KIF11: variants seen among roughly 807,000 people sequenced by gnomAD.
KIF11 encodes the protein kinesin-like protein KIF11.
Under a neutral mutation model 121.0 loss-of-function variants are expected in KIF11, and 9 were observed. That is an observed-to-expected ratio of 0.07 (90% CI 0.04 to 0.13). The LOEUF is 0.13. KIF11 is among the 10% of genes least tolerant of loss of function. The pLI is 1.00. For synonymous variants in KIF11, 408 were observed against 421.0 expected (o/e 0.97, Z 0.38); for missense variants, 846 against 1,217.5 (o/e 0.69, Z 4.54).
intron 12 of KIF11, among the ~76,000 whole-genome samples, chr10:92,631,270 G>A (rs1487209691): frequency 1.3e-5 from 2 of 150,374 alleles, no homozygotes; most frequent in South Asian, 4.2e-4. Flanking sequence ...CTCCAGCCTG[G>A]GTAACAGAGC....
At chr10:92,596,436 C>T (rs1170356728) in intron 1 of KIF11, among the ~76,000 whole-genome samples, 1 of 152,082 alleles carries the variant, frequency 6.6e-6, no homozygotes, top group Non-Finnish European at 1.5e-5. Context: ...TTTGAGGAAC[C>T]GACAAACTAT....
intron 1 of KIF11, among the ~76,000 whole-genome samples, chr10:92,599,670 T>TTTTC (rs2135896473): frequency 6.6e-6 from 1 of 150,706 alleles, no homozygotes; most frequent in African/African-American, 2.4e-5. Flanking sequence ...TTTTTTTTTT[T>TTTTC]TGAGATGGAG....
chr10:92,641,183 T>C (rs1844862888), intron 17 of KIF11, among the ~76,000 whole-genome samples: 2 of 152,238 alleles, frequency 1.3e-5, no homozygotes, highest in African/African-American at 4.8e-5. Flanking sequence ...TCATGATCCA[T>C]TTAAAAATTT....
In KIF11 at chr10:92,599,199, G is replaced by T. The variant is rs1378698206; in HGVS notation, c.77+5747G>T. On this transcript the variant is annotated intron_variant, in intron 1 of 21. Transcript: ENST00000260731. ...AGTTGTTTTTGTAATTTCCTTTTTA[G>T]ATTGTTCATTCTTAGTGTATAAAAA... 2.0e-5 allele frequency among the ~76,000 whole-genome samples: 3 copies of T among 151,678 alleles called. No individual in the cohort carries two copies. In the East Asian group the frequency reaches 5.8e-4, roughly 29 times the overall value.
chr10:92,630,464 T>G, intron 12 of KIF11, 100 bp downstream of exon 12: 3 of 573,076 alleles, frequency 5.2e-6, no homozygotes. Flanking sequence ...TCACCCCAAA[T>G]GGTATTTCTG....
intron 17 of KIF11, among the ~76,000 whole-genome samples, chr10:92,643,666 C>T (rs903630224): frequency 2.0e-5 from 3 of 150,542 alleles, no homozygotes; most frequent in Non-Finnish European, 4.4e-5. Flanking sequence ...AAGCAATTCT[C>T]CTGCCTCAGC....
chr10:92,612,104 GTTTTTTGTTTTTTTGTTTGC>G, intron 6 of KIF11, among the ~76,000 whole-genome samples: 1 of 150,970 alleles, frequency 6.6e-6, no homozygotes, highest in East Asian at 1.9e-4. Flanking sequence ...TATTTGTTTT[GTTTTTTGTTTTTTTGTTTGC>G]TTGTTTGTTT....
At chr10:92,631,972 G>C (rs1428397528) in intron 12 of KIF11, among the ~76,000 whole-genome samples, 1 of 152,140 alleles carries the variant, frequency 6.6e-6, no homozygotes, top group Non-Finnish European at 1.5e-5. Context: ...ACCACGTCCG[G>C]CCATTAGGTG....
rs1266360182 is a variant in KIF11, at chr10:92,593,259, C to T, written c.-117C>T. ...ACCTGCGTGCGTCGGTCCTCCAGGCCACGCCAGCGCCCGAGAGGGACCAGG... is the reference window on the plus strand; with the variant it reads ...ACCTGCGTGCGTCGGTCCTCCAGGCTACGCCAGCGCCCGAGAGGGACCAGG... On this transcript the variant is annotated 5_prime_UTR_variant, in exon 1 of 22. Coordinates refer to ENST00000260731, the MANE Select transcript of KIF11 (RefSeq NM_004523.4). 2.4e-5 allele frequency: 25 copies of T among 1,045,434 alleles called. No homozygotes were observed. Among genetic ancestry groups the T allele is most frequent in the African/African-American group, 3.2e-5 (2 of 61,690 alleles). The allele number at this position is 1,045,434 out of a possible 1,614,324, so 64.8% of individuals were successfully genotyped here. A position where few individuals can be genotyped will look rare whatever the true frequency, so the allele number is the denominator to read the frequency against.
At position 92,639,958 on chromosome 10, in the gene KIF11, A is replaced by G. The variant is rs1844847372; in HGVS notation, c.2267+58A>G. ...TGTAAGTCTGAAATTATTTAAGAAG[A>G]AAAAGCTTTAAATAGTACAAATAAT... On this transcript the variant is annotated intron_variant, in intron 17 of 21. Coordinates refer to ENST00000260731, the MANE Select transcript of KIF11 (RefSeq NM_004523.4). 12 of 894,448 alleles carry G rather than the reference A, an allele frequency of 1.3e-5. No individual in the cohort carries two copies. The East Asian group carries it at 3.0e-4, about 22-fold the overall frequency. 55.4% of individuals were successfully genotyped at this position (894,448 alleles called of 1,614,324 possible).
At chr10:92,640,681 C>T (rs1297844797) in intron 17 of KIF11, among the ~76,000 whole-genome samples, 9 of 152,162 alleles carry the variant, frequency 5.9e-5, no homozygotes, top group South Asian at 2.1e-4. Flanking sequence ...CCGCCCGCCT[C>T]GGCCTCCCAA....
At chr10:92,631,354 A>ATTT (rs1247892671) in intron 12 of KIF11, among the ~76,000 whole-genome samples, 4 of 131,950 alleles carry the variant, frequency 3.0e-5, no homozygotes, top group African/African-American at 9.1e-5. Context: ...AAAGTATTTA[A>ATTT]TTTTTTTTTT....
chr10:92,645,969 T>G (rs976465531), intron 18 of KIF11, among the ~76,000 whole-genome samples: 2 of 114,768 alleles, frequency 1.7e-5, no homozygotes, highest in African/African-American at 7.2e-5. Context: ...TTTTTTTTTT[T>G]GAGATGGAGT....
intron 9 of KIF11, among the ~76,000 whole-genome samples, chr10:92,617,726 GTTTTTT>G (rs1037233139): frequency 6.7e-6 from 1 of 149,072 alleles, no homozygotes; most frequent in Non-Finnish European, 1.5e-5. Flanking sequence ...CTTCAGTACG[GTTTTTT>G]TGTTTTTGTT....
Position 92,632,392 on chromosome 10 carries a change from C to G in KIF11, c.1495-94C>G. ...CATGTTGGCCAGGCTGGAAAATTTA[C>G]TAGTTCTTATCAAGATAAATCCTTG... On this transcript the variant is annotated intron_variant, in intron 12 of 21. Coordinates refer to ENST00000260731, the MANE Select transcript of KIF11 (RefSeq NM_004523.4). 1.3e-5 allele frequency: 11 copies of G among 836,804 alleles called. No homozygotes were observed. In the South Asian group the frequency reaches 1.9e-4, roughly 14 times the overall value. The allele number at this position is 836,804 out of a possible 1,614,324, so 51.8% of individuals were successfully genotyped here.
intron 21 of KIF11, 21 bp from the exon 22 acceptor site, chr10:92,653,644 T>C: frequency 6.2e-7 from 1 of 1,603,490 alleles, no homozygotes. Flanking sequence ...TTGACTTAAT[T>C]TTCCCGCCTT....
intron 19 of KIF11, 21 bp from the exon 20 acceptor site, chr10:92,649,814 C>A (rs374236555): frequency 1.3e-6 from 2 of 1,540,898 alleles, no homozygotes; most frequent in Admixed American, 1.8e-5. Context: ...ATTTTTACCT[C>A]TTATCTAATG....
chr10:92,608,897 T>C (rs1351760060), intron 4 of KIF11, 123 bp from the exon 5 acceptor site: 2 of 552,452 alleles, frequency 3.6e-6, no homozygotes, highest in Non-Finnish European at 6.1e-6. Context: ...GTTTCTTTTT[T>C]TGTTTTGTTT....
At chr10:92,599,128 A>G (rs1844335728) in intron 1 of KIF11, among the ~76,000 whole-genome samples, 1 of 152,004 alleles carries the variant, frequency 6.6e-6, no homozygotes, top group African/African-American at 2.4e-5. Context: ...CTCCTTGGTT[A>G]AATTAATTAC....
Sources: allele counts gnomAD v4.1 joint callset (sites outside exome capture counted in the v4.1 genomes callset), GRCh38; gene constraint gnomAD v4.1.1; transcripts MANE v1.5; gene names NCBI Gene and HGNC (gene_info 2026-07-23, HGNC 2026-07-21).